The following MIER1 variants were observed in gnomAD, a reference collection of about 807,000 sequenced individuals.
The protein encoded by MIER1 is mesoderm induction early response protein 1.
MIER1 carries 40 observed loss-of-function variants against 75.7 expected under a neutral mutation model. That is an observed-to-expected ratio of 0.53 (90% CI 0.41 to 0.69). The LOEUF (loss-of-function observed/expected upper bound fraction) is 0.69. Ranked by LOEUF, MIER1 falls within the 30% of genes least tolerant of loss-of-function variation. The pLI, the probability that MIER1 is intolerant of heterozygous loss-of-function variation, is 0.00. For synonymous variants in MIER1, 213 were observed against 223.4 expected (o/e 0.95, Z 0.42); for missense variants, 574 against 680.2 (o/e 0.84, Z 1.74).
In MIER1 at chr1:66,985,971, G is replaced by A. The variant is rs912290916; in HGVS notation, c.*1071G>A. ...AGACAAAAGTTTAATGTCAGCTTAA[G>A]TGCTTAAATATATCATGCTGACCAG... On this transcript the variant is annotated 3_prime_UTR_variant, in exon 14 of 14. Coordinates refer to ENST00000401041, the MANE Select transcript of MIER1 (RefSeq NM_001077700.3). 20 of 985,646 alleles carry A rather than the reference G, an allele frequency of 2.0e-5. No individual in the cohort carries two copies. The African/African-American group carries it at 3.0e-4, about 15-fold the overall frequency. 61.1% of individuals were successfully genotyped at this position (985,646 alleles called of 1,614,324 possible). A position where few individuals can be genotyped will look rare whatever the true frequency, so the allele number is the denominator to read the frequency against.
chr1:66,934,120 T>A (rs1378529655), intron 2 of MIER1, among the ~76,000 whole-genome samples: 1 of 152,210 alleles, frequency 6.6e-6, no homozygotes, highest in Non-Finnish European at 1.5e-5. Flanking sequence ...TTTTGCAAAT[T>A]GAGATTTTTT....
chr1:66,958,521 G>C (rs879763882), intron 5 of MIER1, among the ~76,000 whole-genome samples: 8 of 151,862 alleles, frequency 5.3e-5, no homozygotes, highest in Non-Finnish European at 1.0e-4. Context: ...TTGGCAGTTT[G>C]TGTTTATTTT....
intron 11 of MIER1, among the ~76,000 whole-genome samples, chr1:66,974,911 C>CT (rs1441651092): frequency 5.3e-5 from 8 of 152,206 alleles, no homozygotes; most frequent in African/African-American, 1.9e-4. Context: ...CCCAAAATGA[C>CT]TTTATCTTTT....
intron 10 of MIER1, among the ~76,000 whole-genome samples, chr1:66,972,448 AC>A (rs940062395): frequency 2.0e-5 from 3 of 151,842 alleles, no homozygotes; most frequent in African/African-American, 7.3e-5. Context: ...TAGTAATGGG[AC>A]TTAACCTATT....
chr1:66,936,998 C>CAGAAAAA (rs1655021176), intron 2 of MIER1, among the ~76,000 whole-genome samples: 1 of 68,342 alleles, frequency 1.5e-5, no homozygotes, highest in Non-Finnish European at 2.6e-5. Flanking sequence ...GACTCCATCT[C>CAGAAAAA]AAAAAAAAAA....
chr1:66,935,410 T>A (rs1258727421), intron 2 of MIER1, among the ~76,000 whole-genome samples: 2 of 152,218 alleles, frequency 1.3e-5, no homozygotes, highest in African/African-American at 4.8e-5. Context: ...TCTGTCTCTC[T>A]AGTGTTGTTT....
chr1:66,954,128 A>G (rs977824401), intron 4 of MIER1, among the ~76,000 whole-genome samples: 4 of 152,152 alleles, frequency 2.6e-5, no homozygotes, highest in Non-Finnish European at 5.9e-5. Flanking sequence ...CTTTTCCACA[A>G]CCACTAATTT....
intron 2 of MIER1, among the ~76,000 whole-genome samples, chr1:66,938,261 T>C (rs1185304398): frequency 6.6e-6 from 1 of 152,204 alleles, no homozygotes. Flanking sequence ...ATTCAAAATC[T>C]CTATTGTTAA....
chr1:66,934,624 T>C (rs1304579663), intron 2 of MIER1, among the ~76,000 whole-genome samples: 1 of 151,076 alleles, frequency 6.6e-6, no homozygotes, highest in African/African-American at 2.4e-5. Flanking sequence ...CAGACTGGTC[T>C]CGAGCTTCTG....
At position 66,958,987 on chromosome 1, in the gene MIER1, A is replaced by G. The variant is rs372534858; in HGVS notation, c.634+4A>G. 2.5e-4 allele frequency: 406 copies of G among 1,611,322 alleles called. No homozygotes were observed. Among genetic ancestry groups the G allele is most frequent in the Non-Finnish European group, 3.3e-4 (385 of 1,178,188 alleles). ...CGATGTAAATATTTTGATACAAGTA[A>G]GTGTTACTGGTTGATAATATTTGAA... On this transcript the variant is annotated splice_donor_region_variant and intron_variant, in intron 6 of 13. Transcript: ENST00000401041.
rs189241132 is a variant in MIER1 at position 66,940,617 on chromosome 1, A to C, written c.193+565A>C. On this transcript the variant is annotated intron_variant, in intron 3 of 13. Coordinates refer to ENST00000401041, the MANE Select transcript of MIER1 (RefSeq NM_001077700.3). Reference sequence around the variant, plus strand: ...TTGTATTCTTTCTCAAATACAGTACATATTCATTTTTTCCTAACTTAGAGA... The same window carrying C: ...TTGTATTCTTTCTCAAATACAGTACCTATTCATTTTTTCCTAACTTAGAGA... 1.4e-3 allele frequency among the ~76,000 whole-genome samples: 213 copies of C among 152,300 alleles called. 1 individual carries two copies. Among genetic ancestry groups the C allele is most frequent in the African/African-American group, 4.7e-3 (196 of 41,560 alleles).
intron 8 of MIER1, among the ~76,000 whole-genome samples, chr1:66,966,671 A>G (rs1662476718): frequency 6.6e-6 from 1 of 152,080 alleles, no homozygotes; most frequent in Non-Finnish European, 1.5e-5. Flanking sequence ...AAGTGTTCCT[A>G]TTTCTCCACA....
intron 12 of MIER1, among the ~76,000 whole-genome samples, chr1:66,978,871 C>T (rs932584206): frequency 6.6e-5 from 10 of 152,180 alleles, no homozygotes; most frequent in Non-Finnish European, 8.8e-5. Context: ...TCTAATTTCT[C>T]TATTGATCTC....
At position 66,958,169 on chromosome 1, in the gene MIER1, T is replaced by A. The variant is rs767032321; in HGVS notation, c.450T>A (p.Asp150Glu). ...AAGAAGAGGAAGAAGAAGGTGAAGA[T>A]GATGAAGATGCTGATAATGATGACA... ...EEEEEEEEGE[D>E]DEDADNDDNS... The change falls in exon 5 of 14, where the codon GAT becomes GAA. Residue 150 changes from aspartate to glutamate, a missense_variant. This residue lies in a region of MIER1 where 309 missense variants were observed against 352.8 expected (regional missense o/e 0.88). Coordinates refer to ENST00000401041, the MANE Select transcript of MIER1 (RefSeq NM_001077700.3). 2 of 1,602,060 alleles carry A rather than the reference T, an allele frequency of 1.2e-6. No homozygotes were observed. The highest frequency in any genetic ancestry group is 1.7e-6 in the Non-Finnish European group (2 of 1,169,226).
chr1:66,967,927 A>G (rs1369632701), intron 8 of MIER1, among the ~76,000 whole-genome samples: 1 of 152,194 alleles, frequency 6.6e-6, no homozygotes, highest in Non-Finnish European at 1.5e-5. Flanking sequence ...ATACAAGATC[A>G]TATCATCAGT....
intron 4 of MIER1, among the ~76,000 whole-genome samples, chr1:66,949,478 G>GA (rs57187254): frequency 2.0e-5 from 3 of 151,940 alleles, no homozygotes; most frequent in African/African-American, 4.8e-5. Context: ...TAGAGATAGG[G>GA]AAAAAAAGAC....
intron 5 of MIER1, 96 bp from the exon 6 acceptor site, chr1:66,958,755 C>T: frequency 1.0e-6 from 1 of 979,664 alleles, no homozygotes; most frequent in Non-Finnish European, 1.5e-6. Context: ...TCATTTTAGT[C>T]TTCTGCATAT....
chr1:66,931,742 A>G (rs1653431525), intron 2 of MIER1, among the ~76,000 whole-genome samples: 1 of 152,134 alleles, frequency 6.6e-6, no homozygotes, highest in African/African-American at 2.4e-5. Flanking sequence ...GTTCCAGTAG[A>G]CTGAGAATCG....
At chr1:66,970,763 A>G (rs4553158) in intron 8 of MIER1, 45 bp from the exon 9 acceptor site, 219,969 of 1,393,584 alleles carry the variant, frequency 0.16, 18,907 homozygotes, top group Non-Finnish European at 0.17. Context: ...CACAAACTCT[A>G]TCAGTTTTTA....
Sources: gnomAD v4.1 joint callset for allele counts (sites outside exome capture counted in the v4.1 genomes callset) on GRCh38, gnomAD v4.1.1 for gene constraint, gnomAD v4.1.1 regional missense constraint, MANE v1.5 for transcripts, NCBI Gene and HGNC (gene_info 2026-07-23, HGNC 2026-07-21) for gene names.